Variants in NAT1 observed in about 807,000 individuals in gnomAD.
The protein encoded by NAT1 is N-acetyltransferase 1, also known as arylamine N-acetyltransferase 1.
For synonymous variants in NAT1, 144 were observed against 122.6 expected (o/e 1.17, Z -1.16); for missense variants, 400 against 339.2 (o/e 1.18, Z -1.41).
intron 1 of NAT1, among the ~76,000 whole-genome samples, chr8:18,213,818 CTT>C (rs768875808): frequency 6.3e-5 from 9 of 142,790 alleles, no homozygotes; most frequent in Admixed American, 7.0e-5. Context: ...CGTCATATTT[CTT>C]TTTTTTTTTT....
intron 2 of NAT1, among the ~76,000 whole-genome samples, chr8:18,198,374 T>C (rs1168972599): frequency 6.6e-6 from 1 of 152,218 alleles, no homozygotes; most frequent in Admixed American, 6.5e-5. Flanking sequence ...ATGGTGTTTG[T>C]TCAACTACAA....
intron 2 of NAT1, among the ~76,000 whole-genome samples, chr8:18,184,091 G>A (rs1039570898): frequency 3.3e-5 from 5 of 152,144 alleles, no homozygotes; most frequent in Non-Finnish European, 7.4e-5. Context: ...TTACCTTGAT[G>A]AAGACTCTCT....
rs1239041250 is a variant in NAT1, at chr8:18,223,468, G to A, written c.*548G>A. ...AAGAATGAACATGAGCTTTTCTTGT[G>A]TAGATCTGAGTTGAAATCCTGTGGA... On this transcript the variant is annotated 3_prime_UTR_variant, in exon 3 of 3. Transcript: ENST00000307719. 1 of 166,816 alleles carries A rather than the reference G, an allele frequency of 6.0e-6. No homozygotes were observed. Among genetic ancestry groups the A allele is most frequent in the Non-Finnish European group, 1.5e-5 (1 of 68,070 alleles). The allele number at this position is 166,816 out of a possible 1,614,324, so 10.3% of individuals were successfully genotyped here. A position where few individuals can be genotyped will look rare whatever the true frequency, so the allele number is the denominator to read the frequency against.
At chr8:18,174,907 CA>C (rs1802231277) in intron 2 of NAT1, among the ~76,000 whole-genome samples, 1 of 152,048 alleles carries the variant, frequency 6.6e-6, no homozygotes, top group South Asian at 2.1e-4. Flanking sequence ...ACACAGTCCT[CA>C]AAGGGTTTAC....
chr8:18,177,270 T>A (rs4921872), intron 2 of NAT1, among the ~76,000 whole-genome samples: 43,586 of 151,942 alleles, frequency 0.29, 6,766 homozygotes, highest in South Asian at 0.41. Context: ...CCAAGAATAG[T>A]AAATATTAAA....
rs768813958 is a variant in NAT1 at position 18,222,649 on chromosome 8, A to T, written c.602A>T (p.Asp201Val). ...SFTLKPRTIEDFESMNTYLQT... is the reference protein window; with the variant it reads ...SFTLKPRTIEVFESMNTYLQT... ...ACTCTTAAGCCTCGAACAATTGAAG[A>T]TTTTGAGTCTATGAATACATACCTG... Residue 201 changes from aspartate to valine, a missense_variant, in exon 3 of 3, where the codon GAT becomes GTT. Asp to Val is a radical substitution (Grantham distance 152). Coordinates refer to ENST00000307719, the MANE Select transcript of NAT1 (RefSeq NM_000662.8). 13 of 1,613,444 alleles carry T rather than the reference A, an allele frequency of 8.1e-6. No homozygotes were observed. Among genetic ancestry groups the T allele is most frequent in the South Asian group, 7.7e-5 (7 of 90,958 alleles).
At chr8:18,193,202 C>T (rs1589074582) in intron 2 of NAT1, among the ~76,000 whole-genome samples, 1 of 148,306 alleles carries the variant, frequency 6.7e-6, no homozygotes, top group East Asian at 2.0e-4. Flanking sequence ...CTCAGCCACT[C>T]AAGTAGGTAG....
intron 2 of NAT1, among the ~76,000 whole-genome samples, chr8:18,201,462 T>A (rs1403459927): frequency 6.6e-6 from 1 of 152,146 alleles, no homozygotes; most frequent in Non-Finnish European, 1.5e-5. Flanking sequence ...TCCTCCTCCC[T>A]GGGTCCTGCA....
rs1195574932 is a variant in NAT1, at chr8:18,222,686, A to G, written c.639A>G (p.Pro213=). ...TGAATACATACCTGCAGACATCTCC[A>G]TCATCTGTGTTTACTAGTAAATCAT... ...ESMNTYLQTS[P]SSVFTSKSFC... The change falls in exon 3 of 3, where the codon CCA becomes CCG. Residue 213 remains proline, a synonymous_variant. Transcript: ENST00000307719. The G allele has an allele frequency of 3.1e-6, 5 of 1,613,686 alleles. No homozygotes were observed. The highest frequency in any genetic ancestry group is 3.4e-6 in the Non-Finnish European group (4 of 1,179,688).
At chr8:18,218,797 A>G (rs1204805211) in intron 1 of NAT1, among the ~76,000 whole-genome samples, 1 of 152,238 alleles carries the variant, frequency 6.6e-6, no homozygotes, top group East Asian at 1.9e-4. Flanking sequence ...CCTTTGGCTA[A>G]ATGAGTTTCG....
chr8:18,207,685 A>G (rs1803784302), upstream of NAT1, among the ~76,000 whole-genome samples: 3 of 152,234 alleles, frequency 2.0e-5, no homozygotes, highest in Admixed American at 6.5e-5. Context: ...AGTTAGTTCA[A>G]TCATTGTGGA....
At chr8:18,221,862 C>T (rs969448387) in intron 2 of NAT1, 180 bp from the exon 3 acceptor site, 1 of 577,580 alleles carries the variant, frequency 1.7e-6, no homozygotes, top group South Asian at 3.1e-5. Context: ...TCACAGGATT[C>T]TGGGACTATT....
At chr8:18,176,996 A>C (rs1802318769) in intron 2 of NAT1, among the ~76,000 whole-genome samples, 1 of 152,032 alleles carries the variant, frequency 6.6e-6, no homozygotes, top group African/African-American at 2.4e-5. Context: ...GATTATTTTT[A>C]AAATTTCTTT....
intron 1 of NAT1, among the ~76,000 whole-genome samples, chr8:18,211,623 G>A (rs1804111443): frequency 6.6e-6 from 1 of 152,186 alleles, no homozygotes; most frequent in African/African-American, 2.4e-5. Context: ...TTAAATGGGA[G>A]CAGTGAGTGG....
At chr8:18,204,678 G>GTTTT (rs1186308515) in intron 2 of NAT1, among the ~76,000 whole-genome samples, 1 of 152,038 alleles carries the variant, frequency 6.6e-6, no homozygotes, top group Non-Finnish European at 1.5e-5. Context: ...TACTTCCCAT[G>GTTTT]TTTTTCACTG....
intron 2 of NAT1, among the ~76,000 whole-genome samples, chr8:18,179,265 T>C (rs754298799): frequency 6.6e-6 from 1 of 152,170 alleles, no homozygotes; most frequent in South Asian, 2.1e-4. Context: ...AATGTGGTAA[T>C]ACTACATAAT....
chr8:18,206,198 T>C (rs1803712632), upstream of NAT1, among the ~76,000 whole-genome samples: 2 of 152,266 alleles, frequency 1.3e-5, no homozygotes, highest in East Asian at 3.9e-4. Context: ...CCAGTTCAAC[T>C]CACCTGTTCC....
upstream of NAT1, among the ~76,000 whole-genome samples, chr8:18,207,904 G>A (rs1323988908): frequency 6.6e-6 from 1 of 152,178 alleles, no homozygotes; most frequent in Non-Finnish European, 1.5e-5. Context: ...AGAAACTGTG[G>A]TACATATAGA....
chr8:18,170,816 G>C (rs1266805960), intron 2 of NAT1: 1 of 152,040 alleles, frequency 6.6e-6, no homozygotes, highest in Non-Finnish European at 1.5e-5. Context: ...CTCTCTCTGG[G>C]ATTCTAACTT....
Sources: allele counts gnomAD v4.1 joint callset (sites outside exome capture counted in the v4.1 genomes callset), GRCh38; gene constraint gnomAD v4.1.1; transcripts MANE v1.5; gene names NCBI Gene and HGNC (gene_info 2026-07-23, HGNC 2026-07-21).